ASTN2: variants seen among roughly 807,000 people sequenced by gnomAD.
ASTN2 encodes the protein astrotactin 2, also known as astrotactin-2.
In ASTN2, 54 loss-of-function variants were observed where a neutral mutation model predicts 139.8. The observed-to-expected ratio is 0.39, with a 90% CI of 0.31 to 0.48. ASTN2 has a LOEUF of 0.48. ASTN2 is among the 20% of genes least tolerant of loss of function. The pLI, the probability that ASTN2 is intolerant of heterozygous loss-of-function variation, is 0.95. For synonymous variants in ASTN2, 756 were observed against 719.5 expected, an observed-to-expected ratio of 1.05 and a Z score of -0.81; for missense variants, 1,565 against 1,725.1, an observed-to-expected ratio of 0.91 and a Z score of 1.64.
intron 1 of ASTN2, among the ~76,000 whole-genome samples, chr9:117,356,476 T>C (rs921309751): frequency 6.6e-6 from 1 of 152,212 alleles, no homozygotes; most frequent in African/African-American, 2.4e-5. Context: ...CCAAATTCTT[T>C]AGATTTCACT....
At chr9:116,991,847 G>C (rs1291178168) in intron 7 of ASTN2, among the ~76,000 whole-genome samples, 3 of 152,172 alleles carry the variant, frequency 2.0e-5, no homozygotes, top group Non-Finnish European at 4.4e-5. Context: ...GCTCTTGGAA[G>C]GGGCCAGTGG....
At chr9:116,843,596 T>C (rs762377450) in intron 11 of ASTN2, among the ~76,000 whole-genome samples, 52 of 150,974 alleles carry the variant, frequency 3.4e-4, no homozygotes, top group Admixed American at 1.4e-3. Context: ...GAGGCAGATG[T>C]TGCAGTGAGC....
chr9:116,770,977 T>C (rs1394700081), intron 13 of ASTN2, among the ~76,000 whole-genome samples: 1 of 152,212 alleles, frequency 6.6e-6, no homozygotes, highest in Non-Finnish European at 1.5e-5. Flanking sequence ...CAAAAATTGA[T>C]CCTGTGCTCC....
At chr9:117,250,360 T>C (rs1389464614) in intron 2 of ASTN2, among the ~76,000 whole-genome samples, 1 of 152,244 alleles carries the variant, frequency 6.6e-6, no homozygotes, top group Non-Finnish European at 1.5e-5. Context: ...ACAGAAGGAC[T>C]GATAACCTAT....
At chr9:117,110,032 A>G (rs1829211382) in intron 4 of ASTN2, among the ~76,000 whole-genome samples, 1 of 152,218 alleles carries the variant, frequency 6.6e-6, no homozygotes, top group South Asian at 2.1e-4. Flanking sequence ...ATCTGCTGCC[A>G]TAGAACCAGG....
At chr9:116,592,002 AC>A (rs1188810519) in intron 19 of ASTN2, among the ~76,000 whole-genome samples, 6 of 152,152 alleles carry the variant, frequency 3.9e-5, no homozygotes, top group Non-Finnish European at 4.4e-5. Flanking sequence ...GGTTCCAGGT[AC>A]CCCCTTGGAT....
intron 13 of ASTN2, among the ~76,000 whole-genome samples, chr9:116,767,587 C>T (rs1829843771): frequency 6.6e-6 from 1 of 152,186 alleles, no homozygotes; most frequent in South Asian, 2.1e-4. Context: ...TGAGCAGCTC[C>T]AGAGACAGAC....
At chr9:116,803,481 A>AAT (rs1168011369) in intron 13 of ASTN2, among the ~76,000 whole-genome samples, 310 of 79,986 alleles carry the variant, frequency 3.9e-3, no homozygotes, top group East Asian at 5.0e-3. Flanking sequence ...AAGTTCGAAT[A>AAT]ATATATATAT....
intron 19 of ASTN2, among the ~76,000 whole-genome samples, chr9:116,510,028 T>A (rs6478242): frequency 0.2 from 30,925 of 152,112 alleles, 3,287 homozygotes; most frequent in Non-Finnish European, 0.23. Context: ...CCATTTGTCA[T>A]TTTTGGCTTT....
At chr9:116,637,384 A>G (rs1226458127) in intron 17 of ASTN2, among the ~76,000 whole-genome samples, 2 of 152,224 alleles carry the variant, frequency 1.3e-5, no homozygotes, top group Non-Finnish European at 2.9e-5. Context: ...CTATCTCTTA[A>G]TTTGTGAAAC....
At chr9:116,551,369 T>C (rs1852334607) in intron 19 of ASTN2, among the ~76,000 whole-genome samples, 1 of 152,180 alleles carries the variant, frequency 6.6e-6, no homozygotes, top group African/African-American at 2.4e-5. Context: ...AATGTGCATA[T>C]CCCATTCCCT....
chr9:116,984,225 A>T (rs1836609104), intron 7 of ASTN2, among the ~76,000 whole-genome samples: 1 of 152,180 alleles, frequency 6.6e-6, no homozygotes, highest in East Asian at 1.9e-4. Context: ...TCAGGCCCTC[A>T]GCATTGTCCA....
chr9:117,374,369 TAAA>T (rs57428022), intron 1 of ASTN2, among the ~76,000 whole-genome samples: 36 of 87,312 alleles, frequency 4.1e-4, no homozygotes, highest in Middle Eastern at 6.6e-3. Context: ...AGGGCAGGGT[TAAA>T]AAAAAAAAAA....
At chr9:116,820,922 T>C (rs1564286103) in intron 11 of ASTN2, 139 bp from the exon 12 acceptor site, 2 of 905,716 alleles carry the variant, frequency 2.2e-6, no homozygotes, top group East Asian at 5.7e-5. Context: ...GTTAATAACT[T>C]TGTGACAAGT....
At chr9:117,291,898 A>T (rs10983609) in intron 1 of ASTN2, among the ~76,000 whole-genome samples, 13,651 of 152,198 alleles carry the variant, frequency 0.09, 884 homozygotes, top group Admixed American at 0.19. Flanking sequence ...AAGGAGTGGG[A>T]GTTGAGAGTG....
intron 13 of ASTN2, among the ~76,000 whole-genome samples, chr9:116,803,782 C>T (rs538799730): frequency 5.9e-5 from 9 of 151,594 alleles, no homozygotes; most frequent in African/African-American, 2.2e-4. Flanking sequence ...CCTCAGCCTC[C>T]CAAAGTGCTG....
chr9:116,782,807 C>A (rs1564264621), intron 13 of ASTN2, among the ~76,000 whole-genome samples: 1 of 152,168 alleles, frequency 6.6e-6, no homozygotes. Context: ...TCTTACTTAC[C>A]CTTCACATCT....
intron 17 of ASTN2, among the ~76,000 whole-genome samples, chr9:116,630,178 G>A (rs1384928245): frequency 6.6e-6 from 1 of 152,148 alleles, no homozygotes; most frequent in Non-Finnish European, 1.5e-5. Flanking sequence ...TCACTATATA[G>A]AGGATGAGAC....
chr9:117,261,527 G>T (rs190029427), intron 2 of ASTN2, among the ~76,000 whole-genome samples: 1 of 152,210 alleles, frequency 6.6e-6, no homozygotes, highest in Admixed American at 6.5e-5. Context: ...TAAATGCCCA[G>T]CCAAGCCTCC....
Sources: allele counts gnomAD v4.1 joint callset (sites outside exome capture counted in the v4.1 genomes callset), GRCh38; gene constraint gnomAD v4.1.1; transcripts MANE v1.5; gene names NCBI Gene and HGNC (gene_info 2026-07-23, HGNC 2026-07-21).